Variants in CCNYL1 observed in about 807,000 individuals in gnomAD.
The protein encoded by CCNYL1 is cyclin Y like 1.
CCNYL1 carries 16 observed loss-of-function variants against 44.2 expected under a neutral mutation model. That is an observed-to-expected ratio of 0.36 (90% CI 0.25 to 0.55). The LOEUF (loss-of-function observed/expected upper bound fraction) is 0.55. Ranked by LOEUF, CCNYL1 falls within the 20% of genes least tolerant of loss-of-function variation. The pLI, the probability that CCNYL1 is intolerant of heterozygous loss-of-function variation, is 0.85. For missense variants in CCNYL1, 348 were observed against 451.8 expected (o/e 0.77, Z 2.08); for synonymous variants, 159 against 163.2 (o/e 0.97, Z 0.20).
At chr2:207,730,717 C>T (rs2091720144) in intron 3 of CCNYL1, among the ~76,000 whole-genome samples, 1 of 152,088 alleles carries the variant, frequency 6.6e-6, no homozygotes, top group African/African-American at 2.4e-5. Context: ...AAGATTGCAC[C>T]ACTGCACTCC....
chr2:207,727,677 T>C (rs1220521655), intron 3 of CCNYL1, among the ~76,000 whole-genome samples: 1 of 152,214 alleles, frequency 6.6e-6, no homozygotes, highest in African/African-American at 2.4e-5. Flanking sequence ...ATTTTTCTCT[T>C]GGAGACAGCT....
At chr2:207,714,369 C>G (rs959915245) in intron 1 of CCNYL1, 1 of 399,870 alleles carries the variant, frequency 2.5e-6, no homozygotes, top group African/African-American at 2.4e-5. Context: ...GTTGACCAGG[C>G]TGGCCTCGAA....
At position 207,754,659 on chromosome 2, in the gene CCNYL1, TTG is replaced by T. The variant is rs1372403618; in HGVS notation, c.*963_*964del. On this transcript the variant is annotated 3_prime_UTR_variant, in exon 10 of 10. Transcript: ENST00000295414. ...TTAAAGAGATGGGGGTCTTACTGCG[TTG>T]TCCAGGCTGGAGTGCAGTGGCTTTT... The T allele has an allele frequency of 1.3e-5, 2 of 153,152 alleles. No homozygotes were observed. Among genetic ancestry groups the T allele is most frequent in the East Asian group, 3.9e-4 (2 of 5,132 alleles). The allele number at this position is 153,152 out of a possible 1,614,324, so 9.5% of individuals were successfully genotyped here. A position where few individuals can be genotyped will look rare whatever the true frequency, so the allele number is the denominator to read the frequency against.
At chr2:207,712,216 G>T in intron 1 of CCNYL1, 100 bp downstream of exon 1, 2 of 965,934 alleles carry the variant, frequency 2.1e-6, no homozygotes, top group South Asian at 1.6e-5. Flanking sequence ...GCTCCTTCCT[G>T]CCGGTAGCCG....
chr2:207,740,102 T>G (rs1394906011), intron 5 of CCNYL1, among the ~76,000 whole-genome samples: 2 of 152,298 alleles, frequency 1.3e-5, no homozygotes, highest in Non-Finnish European at 2.9e-5. Context: ...CTGGTTTTAT[T>G]AAATGAGCAC....
At chr2:207,750,928 C>T in intron 8 of CCNYL1, 29 bp from the exon 9 acceptor site, 1 of 1,605,674 alleles carries the variant, frequency 6.2e-7, no homozygotes. Context: ...TTGTCCTGTG[C>T]TGGTTCTGTT....
At chr2:207,749,030 C>T (rs576965836) in intron 8 of CCNYL1, among the ~76,000 whole-genome samples, 34 of 152,296 alleles carry the variant, frequency 2.2e-4, no homozygotes, top group African/African-American at 7.5e-4. Flanking sequence ...TTCTCAAAAC[C>T]TGCAACTGAA....
At chr2:207,736,906 G>T (rs933978456) in intron 4 of CCNYL1, among the ~76,000 whole-genome samples, 3 of 151,396 alleles carry the variant, frequency 2.0e-5, no homozygotes, top group African/African-American at 7.3e-5. Context: ...TATTTTAACA[G>T]CATATTACTG....
intron 4 of CCNYL1, among the ~76,000 whole-genome samples, chr2:207,736,257 C>G (rs2091763698): frequency 6.6e-6 from 1 of 152,198 alleles, no homozygotes; most frequent in South Asian, 2.1e-4. Context: ...ATGTTACAGA[C>G]TTTTTAAAAA....
chr2:207,724,566 G>T (rs984882608), intron 1 of CCNYL1, among the ~76,000 whole-genome samples: 6 of 152,216 alleles, frequency 3.9e-5, no homozygotes, highest in African/African-American at 1.4e-4. Context: ...TTTAGGCACA[G>T]ATTTTTTATT....
chr2:207,740,509 C>T lies in CCNYL1; in HGVS notation c.468-146C>T, dbSNP rs571813584. The T allele has an allele frequency of 4.9e-5, 32 of 655,450 alleles. 1 individual carries two copies. The highest frequency in any genetic ancestry group is 2.8e-4 in the Admixed American group (10 of 35,930). 40.6% of individuals were successfully genotyped at this position (655,450 alleles called of 1,614,324 possible). On this transcript the variant is annotated intron_variant, in intron 5 of 9. Coordinates refer to ENST00000295414, the MANE Select transcript of CCNYL1 (RefSeq NM_001330218.2). The stretch of plus-strand genomic sequence containing the variant: ...GGAAATCCTCTGAAGGCTGGCATCC[C>T]GGAGAAGAATTTGTACAACTCTTTG...
chr2:207,723,874 C>CAA lies in CCNYL1; in HGVS notation c.221-906_221-905dup, dbSNP rs58432475. Among the ~76,000 whole-genome samples the CAA allele has an allele frequency of 3.7e-3, 197 of 52,768 alleles. 4 individuals carry two copies. The highest frequency in any genetic ancestry group is 0.02 in the Middle Eastern group (2 of 100). 34.6% of individuals were successfully genotyped at this position (52,768 alleles called of 152,430 possible). On this transcript the variant is annotated intron_variant, in intron 1 of 9. Transcript: ENST00000295414. ...TGGGCAATAGAGTGAGACTCCATCT[C>CAA]AAAAAAAAAAAAAAAAAAAAAGACC...
chr2:207,736,103 A>G (rs961643231), intron 4 of CCNYL1, among the ~76,000 whole-genome samples: 1 of 152,196 alleles, frequency 6.6e-6, no homozygotes, highest in African/African-American at 2.4e-5. Context: ...CTTGGTTCCC[A>G]TATCTGTAAA....
At position 207,754,702 on chromosome 2, in the gene CCNYL1, T is replaced by C. The variant is rs1241586310; in HGVS notation, c.*1004T>C. 1 of 153,796 alleles carries C rather than the reference T, an allele frequency of 6.5e-6. No homozygotes were observed. Among genetic ancestry groups the C allele is most frequent in the Non-Finnish European group, 1.5e-5 (1 of 68,192 alleles). 9.5% of individuals were successfully genotyped at this position (153,796 alleles called of 1,614,324 possible). A position where few individuals can be genotyped will look rare whatever the true frequency, so the allele number is the denominator to read the frequency against. On this transcript the variant is annotated 3_prime_UTR_variant, in exon 10 of 10. Coordinates refer to ENST00000295414, the MANE Select transcript of CCNYL1 (RefSeq NM_001330218.2). ...AGTGGCTTTTCACAGGTGCAATCAT[T>C]GTGCACTCACTGCAGCCTAGAACTT...
At chr2:207,728,112 T>G (rs1386158520) in intron 3 of CCNYL1, among the ~76,000 whole-genome samples, 1 of 151,978 alleles carries the variant, frequency 6.6e-6, no homozygotes, top group Non-Finnish European at 1.5e-5. Flanking sequence ...TACAGGCGCC[T>G]GCCACCACGC....
At chr2:207,746,977 A>G (rs977355606) in intron 7 of CCNYL1, 70 bp from the exon 8 acceptor site, 148 of 775,364 alleles carry the variant, frequency 1.9e-4, no homozygotes, top group Non-Finnish European at 2.4e-4. Flanking sequence ...CTCCGTCTCA[A>G]AAAAAAAAAA....
intron 3 of CCNYL1, among the ~76,000 whole-genome samples, chr2:207,731,275 G>T (rs1261933917): frequency 6.6e-6 from 1 of 152,042 alleles, no homozygotes; most frequent in East Asian, 1.9e-4. Flanking sequence ...CAGTGGATAG[G>T]CATAGGAGTT....
chr2:207,735,681 C>A (rs1243673245), intron 4 of CCNYL1, among the ~76,000 whole-genome samples: 2 of 152,190 alleles, frequency 1.3e-5, no homozygotes, highest in Non-Finnish European at 2.9e-5. Flanking sequence ...GCCTGGGCAA[C>A]ACGGTGAAAC....
chr2:207,744,471 A>G (rs1038724517), intron 7 of CCNYL1, among the ~76,000 whole-genome samples: 51 of 151,472 alleles, frequency 3.4e-4, no homozygotes, highest in African/African-American at 1.1e-3. Flanking sequence ...GGTTCAAGCA[A>G]TTCTCCCTGC....
Sources: allele counts gnomAD v4.1 joint callset (sites outside exome capture counted in the v4.1 genomes callset), GRCh38; gene constraint gnomAD v4.1.1; transcripts MANE v1.5; gene names NCBI Gene and HGNC (gene_info 2026-07-23, HGNC 2026-07-21).